Variants in DHX8 observed in about 807,000 individuals in gnomAD.
DHX8 encodes ATP-dependent RNA helicase DHX8.
Under a neutral mutation model 140.7 loss-of-function variants are expected in DHX8, and 67 were observed. The ratio of observed to expected loss-of-function variants is 0.48; its 90% CI spans 0.39 to 0.58. The LOEUF is 0.58. DHX8 is among the 20% of genes least tolerant of loss of function. The pLI, the probability that DHX8 is intolerant of heterozygous loss-of-function variation, is 0.00. For synonymous variants in DHX8, 533 were observed against 553.2 expected (o/e 0.96, Z 0.51); for missense variants, 887 against 1,550.7 (o/e 0.57, Z 7.19).
At chr17:43,502,866 C>G (rs1969276115) in intron 11 of DHX8, among the ~76,000 whole-genome samples, 1 of 152,206 alleles carries the variant, frequency 6.6e-6, no homozygotes, top group African/African-American at 2.4e-5. Context: ...CATTCATTCC[C>G]TTTTACCCTT....
chr17:43,512,686 G>T (rs1969909412), intron 16 of DHX8, among the ~76,000 whole-genome samples: 1 of 152,166 alleles, frequency 6.6e-6, no homozygotes, highest in African/African-American at 2.4e-5. Flanking sequence ...TAAGATGCTG[G>T]CATGATGCGT....
Position 43,524,407 on chromosome 17 carries a change from T to G in DHX8, c.*560T>G. On this transcript the variant is annotated 3_prime_UTR_variant, in exon 23 of 23. Coordinates refer to ENST00000262415, the MANE Select transcript of DHX8 (RefSeq NM_004941.3). Reference sequence around the variant, plus strand: ...TGAGGGAGATTTAGTATCTGTGCTCTGGCACACATGATGAGAATCCCCTGA... The same window carrying G: ...TGAGGGAGATTTAGTATCTGTGCTCGGGCACACATGATGAGAATCCCCTGA... The G allele has an allele frequency of 1.0e-6, 1 of 989,938 alleles. No homozygotes were observed. The highest frequency in any genetic ancestry group is 1.2e-6 in the Non-Finnish European group (1 of 832,868). 61.3% of individuals were successfully genotyped at this position (989,938 alleles called of 1,614,324 possible). A position where few individuals can be genotyped will look rare whatever the true frequency, so the allele number is the denominator to read the frequency against.
chr17:43,494,014 G>A, intron 8 of DHX8, 128 bp downstream of exon 8: 1 of 852,952 alleles, frequency 1.2e-6, no homozygotes, highest in Non-Finnish European at 1.8e-6. Context: ...TCACACTCCT[G>A]ATAAAGACGT....
chr17:43,492,541 G>A, intron 5 of DHX8, 140 bp from the exon 6 acceptor site: 1 of 639,750 alleles, frequency 1.6e-6, no homozygotes, highest in African/African-American at 1.8e-5. Flanking sequence ...TTATAGGGAT[G>A]TCGTAGTTAT....
intron 3 of DHX8, among the ~76,000 whole-genome samples, chr17:43,538,655 C>T (rs1598211185): frequency 6.6e-6 from 1 of 152,154 alleles, no homozygotes; most frequent in Non-Finnish European, 1.5e-5. Context: ...TCCCTTGATC[C>T]CAGAGTCTTG....
chr17:43,494,389 T>C (rs1598128353), intron 8 of DHX8, among the ~76,000 whole-genome samples: 1 of 152,114 alleles, frequency 6.6e-6, no homozygotes, highest in South Asian at 2.1e-4. Context: ...TACCCTTTTC[T>C]ATAAAACAGG....
chr17:43,535,152 C>T (rs1341347621), intron 2 of DHX8, among the ~76,000 whole-genome samples: 1 of 152,196 alleles, frequency 6.6e-6, no homozygotes, highest in Non-Finnish European at 1.5e-5. Context: ...CAGTTTTAAC[C>T]GCAGTCCAGT....
At chr17:43,529,327 G>A, downstream of DHX8, 1 of 1,438,312 alleles carries the variant, frequency 7.0e-7, no homozygotes, top group Non-Finnish European at 9.8e-7. Context: ...GATTCTTGGT[G>A]CAAAGTGCCA....
At chr17:43,484,630 T>G (rs1474257318) in intron 1 of DHX8, among the ~76,000 whole-genome samples, 1 of 152,156 alleles carries the variant, frequency 6.6e-6, no homozygotes, top group African/African-American at 2.4e-5. Flanking sequence ...TTAACTGTGT[T>G]CTTTGACCGT....
At chr17:43,528,503 GAAC>G (rs1567704138), downstream of DHX8, 1 of 1,555,510 alleles carries the variant, frequency 6.4e-7, no homozygotes, top group Admixed American at 1.8e-5. Flanking sequence ...GCGGCAGGGG[GAAC>G]AGCCGCTGGG....
chr17:43,530,737 TC>T (rs746570477), downstream of DHX8, among the ~76,000 whole-genome samples: 3 of 151,904 alleles, frequency 2.0e-5, no homozygotes, highest in Admixed American at 6.6e-5. Context: ...TTCGTTTCAT[TC>T]CATTCCATAG....
intron 3 of DHX8, among the ~76,000 whole-genome samples, chr17:43,543,187 C>A (rs895112729): frequency 6.6e-6 from 1 of 151,872 alleles, no homozygotes; most frequent in East Asian, 1.9e-4. Context: ...GCGCCCACCC[C>A]CCTCACCTCC....
intron 1 of DHX8, among the ~76,000 whole-genome samples, chr17:43,488,277 C>CA (rs1193130132): frequency 3.3e-5 from 4 of 122,476 alleles, no homozygotes; most frequent in Non-Finnish European, 6.8e-5. Flanking sequence ...GACTCCGTCT[C>CA]AAAAAAAAGA....
chr17:43,504,262 G>A (rs1032235882), intron 11 of DHX8, among the ~76,000 whole-genome samples: 2 of 151,818 alleles, frequency 1.3e-5, no homozygotes, highest in African/African-American at 4.8e-5. Context: ...AACATAGAGT[G>A]ACCTCTTCTC....
At chr17:43,523,339 G>A (rs1970477478) in intron 22 of DHX8, among the ~76,000 whole-genome samples, 1 of 152,172 alleles carries the variant, frequency 6.6e-6, no homozygotes, top group Non-Finnish European at 1.5e-5. Context: ...ATTTTATAGA[G>A]CAAGAAACAG....
chr17:43,534,511 A>C (rs1456243700), intron 2 of DHX8, among the ~76,000 whole-genome samples: 1 of 152,072 alleles, frequency 6.6e-6, no homozygotes, highest in Non-Finnish European at 1.5e-5. Flanking sequence ...AACAAAAAAC[A>C]AAAACATTTA....
chr17:43,488,610 TA>T (rs60524796), intron 1 of DHX8, among the ~76,000 whole-genome samples: 262 of 141,974 alleles, frequency 1.8e-3, no homozygotes, highest in Admixed American at 2.2e-3. Context: ...GACTCTGTCT[TA>T]AAAAAAAAAA....
chr17:43,533,080 C>T, intron 2 of DHX8: 1 of 1,510,758 alleles, frequency 6.6e-7, no homozygotes, highest in Non-Finnish European at 8.9e-7. Flanking sequence ...CTTTCTATTC[C>T]ACTGCCCCCT....
intron 4 of DHX8, 116 bp downstream of exon 4, chr17:43,491,366 A>G (rs1220798395): frequency 1.9e-6 from 1 of 518,084 alleles, no homozygotes; most frequent in Non-Finnish European, 3.3e-6. Context: ...TATTTTTAAG[A>G]ATGAAAGTGT....
Sources: allele counts gnomAD v4.1 joint callset (sites outside exome capture counted in the v4.1 genomes callset), GRCh38; gene constraint gnomAD v4.1.1; transcripts MANE v1.5; gene names NCBI Gene and HGNC (gene_info 2026-07-23, HGNC 2026-07-21).